Variants in DDX60 observed in about 807,000 individuals in gnomAD.
DDX60 encodes DExD/H-box helicase 60.
A neutral mutation model predicts 212.8 loss-of-function variants in DDX60; 165 were observed. The observed-to-expected ratio is 0.78, with a 90% CI of 0.68 to 0.88. The LOEUF is 0.88. DDX60 is among the 40% of genes least tolerant of loss of function. The pLI, the probability that DDX60 is intolerant of heterozygous loss-of-function variation, is 0.00. For missense variants in DDX60, 1,905 were observed against 2,003.9 expected (o/e 0.95, Z 0.94); for synonymous variants, 703 against 685.3 (o/e 1.03, Z -0.40).
At chr4:168,295,984 C>T (rs997200139) in intron 6 of DDX60, among the ~76,000 whole-genome samples, 3 of 152,046 alleles carry the variant, frequency 2.0e-5, no homozygotes, top group Non-Finnish European at 2.9e-5. Flanking sequence ...AGAAGAGAAA[C>T]TCTTCTCTTC....
upstream of DDX60, among the ~76,000 whole-genome samples, chr4:168,321,878 CTAATTGAACCTATTGAATTGAA>C (rs1268576654): frequency 6.6e-6 from 1 of 152,134 alleles, no homozygotes; most frequent in Non-Finnish European, 1.5e-5. Flanking sequence ...GAATTCAATT[CTAATTGAACCTATTGAATTGAA>C]TAGGTTCAAT....
chr4:168,255,859 C>T lies in DDX60; in HGVS notation c.3409G>A (p.Gly1137Arg). The T allele has an allele frequency of 1.3e-6, 2 of 1,573,042 alleles. No homozygotes were observed. Among genetic ancestry groups the T allele is most frequent in the South Asian group, 1.2e-5 (1 of 83,824 alleles). ...CTTTCAGCTGCGTTTTCTACAGCTC[C>T]TAACTTGAATCTGGAAATAAAAAGA... ...LPALFFLFKL[G>R]AVENAAESVS... The change falls in exon 26 of 38, where the codon GGA becomes AGA. Residue 1137 changes from glycine (G) to arginine (R), a missense_variant. Transcript: ENST00000393743.
chr4:168,243,969 C>T (rs1733938073), intron 30 of DDX60, among the ~76,000 whole-genome samples: 1 of 152,062 alleles, frequency 6.6e-6, no homozygotes, highest in African/African-American at 2.4e-5. Context: ...ATGGATGGAG[C>T]TGGAAGCCAT....
rs191419639 is a variant in DDX60 at position 168,264,102 on chromosome 4, G to A, written c.3040-1315C>T. Among the ~76,000 whole-genome samples, 517 of 152,274 alleles carry A rather than the reference G, an allele frequency of 3.4e-3. 2 individuals carry two copies. Among genetic ancestry groups the A allele is most frequent in the Admixed American group, 5.5e-3 (84 of 15,284 alleles). On this transcript the variant is annotated intron_variant, in intron 22 of 37. Coordinates refer to ENST00000393743, the MANE Select transcript of DDX60 (RefSeq NM_017631.6). ...AACACAACACAGTTGAAAAAAACTGGAGATGATGTTTGGTAGAATGGAAAG... is the reference window on the plus strand; with the variant it reads ...AACACAACACAGTTGAAAAAAACTGAAGATGATGTTTGGTAGAATGGAAAG...
At chr4:168,284,739 T>C in intron 12 of DDX60, 81 bp downstream of exon 12, 1 of 661,750 alleles carries the variant, frequency 1.5e-6, no homozygotes, top group Non-Finnish European at 2.4e-6. Context: ...AATTTGTGTC[T>C]TATGATAATT....
At chr4:168,324,401 G>A in the DDX60 span, among the ~76,000 whole-genome samples, 2 of 152,196 alleles carry the variant, frequency 1.3e-5, no homozygotes, top group African/African-American at 4.8e-5. Flanking sequence ...GGCATGAGAA[G>A]AGGTTGTTAA....
At position 168,310,995 on chromosome 4, in the gene DDX60, C is replaced by T; in HGVS notation, c.74+3G>A. On this transcript the variant is annotated splice_donor_region_variant and intron_variant, in intron 3 of 37. Coordinates refer to ENST00000393743, the MANE Select transcript of DDX60 (RefSeq NM_017631.6). The stretch of plus-strand genomic sequence containing the variant: ...CCGTCTTTATTACTATAATAATACT[C>T]ACTCAGCTTTTGGCATTTCATTCAA... The T allele has an allele frequency of 2.0e-6, 3 of 1,517,470 alleles. No individual in the cohort carries two copies. The highest frequency in any genetic ancestry group is 2.3e-5 in the South Asian group (2 of 87,680). 94.0% of individuals were successfully genotyped at this position (1,517,470 alleles called of 1,614,324 possible).
At chr4:168,302,706 T>C (rs116276580) in intron 5 of DDX60, among the ~76,000 whole-genome samples, 2,147 of 152,316 alleles carry the variant, frequency 0.014, 54 homozygotes, top group African/African-American at 0.05. Flanking sequence ...TGGCTGTTAG[T>C]AAATTTATCA....
At chr4:168,301,625 C>T (rs956422066) in intron 6 of DDX60, among the ~76,000 whole-genome samples, 10 of 152,078 alleles carry the variant, frequency 6.6e-5, no homozygotes, top group South Asian at 2.1e-4. Context: ...CTGTCCCTTA[C>T]GGTGGAATTC....
At chr4:168,253,008 T>A (rs1734276916) in intron 26 of DDX60, among the ~76,000 whole-genome samples, 1 of 152,138 alleles carries the variant, frequency 6.6e-6, no homozygotes, top group African/African-American at 2.4e-5. Flanking sequence ...TTTCACCATG[T>A]TGGCCAGGCT....
intron 20 of DDX60, among the ~76,000 whole-genome samples, chr4:168,268,220 AT>A (rs1017235876): frequency 6.6e-6 from 1 of 152,190 alleles, no homozygotes; most frequent in Non-Finnish European, 1.5e-5. Flanking sequence ...GAAATATGGT[AT>A]TCATATTGGA....
At position 168,293,828 on chromosome 4, in the gene DDX60, T is replaced by C. The variant is rs773270728; in HGVS notation, c.841A>G (p.Asn281Asp). ...SLRMYHRFLG[N>D]REPSSGQETE... ...TCCTGACCAGAGGAGGGCTCTCTGT[T>C]TCCTAAAAAGCGATGGTACATTCTC... is the stretch of plus-strand genomic sequence containing the variant. The change falls in exon 7 of 38, where the codon AAC becomes GAC. Residue 281 changes from asparagine (N) to aspartate (D), a missense_variant. Transcript: ENST00000393743. The C allele has an allele frequency of 1.2e-6, 2 of 1,613,822 alleles. No individual in the cohort carries two copies. The highest frequency in any genetic ancestry group is 1.7e-6 in the Non-Finnish European group (2 of 1,179,898).
chr4:168,288,450 G>A lies in DDX60; in HGVS notation c.1042-135C>T. 4 of 546,622 alleles carry A rather than the reference G, an allele frequency of 7.3e-6. No individual in the cohort carries two copies. The South Asian group carries it at 1.0e-4, about 14-fold the overall frequency. 33.9% of individuals were successfully genotyped at this position (546,622 alleles called of 1,614,324 possible). ...TTGTTTAGGCAAGCCCATTCAGGCT[G>A]GGTAATGGTGAATGCTTTACACCTT... On this transcript the variant is annotated intron_variant, in intron 8 of 37. Coordinates refer to ENST00000393743, the MANE Select transcript of DDX60 (RefSeq NM_017631.6).
At chr4:168,277,831 A>T (rs1296935763) in intron 14 of DDX60, among the ~76,000 whole-genome samples, 1 of 152,018 alleles carries the variant, frequency 6.6e-6, no homozygotes, top group African/African-American at 2.4e-5. Context: ...AGAAAAAAAA[A>T]AAAAAGAAAA....
intron 33 of DDX60, among the ~76,000 whole-genome samples, chr4:168,235,860 A>T (rs1733611834): frequency 6.6e-6 from 1 of 152,112 alleles, no homozygotes; most frequent in Non-Finnish European, 1.5e-5. Flanking sequence ...TATAATTCAC[A>T]ACATATACTT....
intron 3 of DDX60, 89 bp downstream of exon 3, chr4:168,310,909 C>A: frequency 1.4e-6 from 1 of 730,126 alleles, no homozygotes; most frequent in South Asian, 1.8e-5. Context: ...GTTCAATGGT[C>A]AACTGTCTAT....
chr4:168,256,741 T>C (rs1162023726), intron 25 of DDX60, among the ~76,000 whole-genome samples: 1 of 152,214 alleles, frequency 6.6e-6, no homozygotes, highest in Non-Finnish European at 1.5e-5. Flanking sequence ...GGTGGCAAAA[T>C]GCTGTGGCTG....
In DDX60 at chr4:168,284,852, T is replaced by G. The variant is rs1436755258; in HGVS notation, c.1529A>C (p.Asp510Ala). The change falls in exon 12 of 38, where the codon GAT becomes GCT. Residue 510 changes from aspartate (D) to alanine (A), a missense_variant. Transcript: ENST00000393743. Reference protein sequence around the residue: ...VHWHSHKPLSDDYDRSRCQFD... With the variant: ...VHWHSHKPLSADYDRSRCQFD... ...CTGACACCTGGACCTGTCATAATCA[T>G]CACTCAGGGGTTTATGAGAATGCCA... 3 of 1,585,080 alleles carry G rather than the reference T, an allele frequency of 1.9e-6. No individual in the cohort carries two copies. Among genetic ancestry groups the G allele is most frequent in the Non-Finnish European group, 2.6e-6 (3 of 1,162,236 alleles).
intron 25 of DDX60, among the ~76,000 whole-genome samples, chr4:168,259,436 G>A (rs1734535940): frequency 6.6e-6 from 1 of 152,090 alleles, no homozygotes; most frequent in Non-Finnish European, 1.5e-5. Flanking sequence ...GATAAAAGGA[G>A]TAATATTATT....
Sources: gnomAD v4.1 joint callset for allele counts (sites outside exome capture counted in the v4.1 genomes callset) on GRCh38, gnomAD v4.1.1 for gene constraint, MANE v1.5 for transcripts, NCBI Gene and HGNC (gene_info 2026-07-23, HGNC 2026-07-21) for gene names.